Variants in NOX3 observed in about 807,000 individuals in gnomAD.
NOX3 encodes NADPH oxidase 3, also known as NADPH oxidase catalytic subunit-like 3.
A neutral mutation model predicts 76.7 loss-of-function variants in NOX3; 74 were observed. The ratio of observed to expected loss-of-function variants is 0.96; its 90% confidence interval spans 0.80 to 1.17. The LOEUF is 1.17. Among genes scored for constraint, NOX3 ranks in the 50% most tolerant of loss-of-function variants. The probability of loss-of-function intolerance (pLI) is 0.00; values close to 1 mark genes in which losing one functional copy is unlikely to be tolerated. For synonymous variants in NOX3, 263 were observed against 261.1 expected (o/e 1.01, Z -0.07); for missense variants, 695 against 703.3 (o/e 0.99, Z 0.13).
chr6:155,454,132 G>A (rs2114712549), intron 3 of NOX3, among the ~76,000 whole-genome samples: 1 of 152,280 alleles, frequency 6.6e-6, no homozygotes, highest in East Asian at 1.9e-4. Context: ...GTGAGCACAT[G>A]GTATTGGAAA....
intron 10 of NOX3, among the ~76,000 whole-genome samples, chr6:155,419,570 C>A (rs2294682): frequency 0.17 from 26,397 of 152,118 alleles, 2,369 homozygotes; most frequent in South Asian, 0.22. Flanking sequence ...TCCAAATAGT[C>A]CCTCACATTT....
At chr6:155,448,448 G>A (rs375710432) in intron 4 of NOX3, among the ~76,000 whole-genome samples, 11 of 152,138 alleles carry the variant, frequency 7.2e-5, no homozygotes, top group African/African-American at 1.2e-4. Context: ...TTGGAGGACC[G>A]CAAGACACAC....
intron 10 of NOX3, 148 bp downstream of exon 10, chr6:155,422,543 TGGA>T: frequency 4.4e-6 from 3 of 685,714 alleles, no homozygotes; most frequent in Non-Finnish European, 7.4e-6. Context: ...TAATACTGAG[TGGA>T]GATTTTTAAG....
intron 12 of NOX3, among the ~76,000 whole-genome samples, chr6:155,401,692 T>G (rs1562456715): frequency 1.3e-5 from 2 of 152,068 alleles, no homozygotes; most frequent in Non-Finnish European, 2.9e-5. Flanking sequence ...GTTGACACCT[T>G]TCTTCATCGT....
At chr6:155,432,915 T>C (rs2114697410) in intron 7 of NOX3, among the ~76,000 whole-genome samples, 1 of 152,300 alleles carries the variant, frequency 6.6e-6, no homozygotes, top group East Asian at 1.9e-4. Context: ...TCTCTTATGC[T>C]TGAATGAACC....
At chr6:155,433,672 C>A (rs1197709311) in intron 7 of NOX3, among the ~76,000 whole-genome samples, 1 of 152,120 alleles carries the variant, frequency 6.6e-6, no homozygotes, top group Non-Finnish European at 1.5e-5. Context: ...GACAAAATGG[C>A]GGTTATGGAA....
At chr6:155,417,062 T>C (rs1221961024) in intron 10 of NOX3, among the ~76,000 whole-genome samples, 3 of 152,088 alleles carry the variant, frequency 2.0e-5, no homozygotes, top group African/African-American at 4.8e-5. Context: ...GAAACATTAT[T>C]TAATAGCAGA....
intron 5 of NOX3, among the ~76,000 whole-genome samples, chr6:155,442,339 G>C (rs1425828925): frequency 6.6e-6 from 1 of 152,168 alleles, no homozygotes; most frequent in African/African-American, 2.4e-5. Context: ...GCCTGATATT[G>C]AAAATTATCT....
At chr6:155,437,999 A>T (rs1310166374) in intron 6 of NOX3, among the ~76,000 whole-genome samples, 5 of 152,238 alleles carry the variant, frequency 3.3e-5, no homozygotes, top group African/African-American at 1.2e-4. Context: ...ATTTCATCTT[A>T]TGAGATGTTA....
At chr6:155,424,687 A>G (rs1469431414) in intron 9 of NOX3, among the ~76,000 whole-genome samples, 2 of 152,374 alleles carry the variant, frequency 1.3e-5, no homozygotes, top group East Asian at 3.9e-4. Flanking sequence ...ATATATGGAA[A>G]TGGAAGAATA....
chr6:155,452,328 G>C (rs550374475), intron 4 of NOX3, among the ~76,000 whole-genome samples: 4 of 152,094 alleles, frequency 2.6e-5, no homozygotes, highest in African/African-American at 7.2e-5. Flanking sequence ...TGGTGCCTAC[G>C]CATACTCAGC....
chr6:155,434,960 CT>C (rs1443244426), intron 7 of NOX3, among the ~76,000 whole-genome samples: 1 of 152,168 alleles, frequency 6.6e-6, no homozygotes, highest in African/African-American at 2.4e-5. Flanking sequence ...AGAAATGGAG[CT>C]TTGTAGAGAC....
intron 11 of NOX3, among the ~76,000 whole-genome samples, chr6:155,409,557 G>A (rs534607518): frequency 2.0e-4 from 31 of 152,248 alleles, no homozygotes; most frequent in African/African-American, 7.5e-4. Flanking sequence ...AAACTCTGTT[G>A]ATTTACCCTT....
chr6:155,433,157 A>G (rs1776856363), intron 7 of NOX3, among the ~76,000 whole-genome samples: 1 of 152,120 alleles, frequency 6.6e-6, no homozygotes, highest in Admixed American at 6.5e-5. Flanking sequence ...GTAATGGATT[A>G]TTTTTCTTTC....
intron 7 of NOX3, among the ~76,000 whole-genome samples, chr6:155,432,693 C>T (rs1776850545): frequency 6.6e-6 from 1 of 152,178 alleles, no homozygotes; most frequent in African/African-American, 2.4e-5. Context: ...CTCATAAAAG[C>T]TAGACCTATG....
At chr6:155,441,553 G>T (rs1156280637) in intron 5 of NOX3, among the ~76,000 whole-genome samples, 1 of 152,106 alleles carries the variant, frequency 6.6e-6, no homozygotes, top group Non-Finnish European at 1.5e-5. Context: ...CTCTAAAAAT[G>T]CTCTATAATG....
chr6:155,430,896 A>G lies in NOX3; in HGVS notation c.838T>C (p.Cys280Arg), dbSNP rs755591472. ...CGCCAGAACCTAATTATTCTTTCAC[A>G]TGCATACAAGACCACAGGGCCTAAA... ...WILGPVVLYACERIIRFWRFQ... is the reference protein window; with the variant it reads ...WILGPVVLYARERIIRFWRFQ... The change falls in exon 8 of 14, where the codon TGT becomes CGT. Residue 280 changes from cysteine to arginine, a missense_variant. Physicochemically the swap from Cys to Arg is radical, Grantham distance 180. Coordinates refer to ENST00000159060, the MANE Select transcript of NOX3 (RefSeq NM_015718.3). 2.5e-6 allele frequency: 4 copies of G among 1,613,594 alleles called. No homozygotes were observed. In the Admixed American group the frequency reaches 6.7e-5, roughly 27 times the overall value.
intron 5 of NOX3, among the ~76,000 whole-genome samples, chr6:155,441,553 G>A (rs1156280637): frequency 6.6e-6 from 1 of 152,106 alleles, no homozygotes; most frequent in Non-Finnish European, 1.5e-5. Flanking sequence ...CTCTAAAAAT[G>A]CTCTATAATG....
chr6:155,404,873 G>C (rs887638918), intron 12 of NOX3, among the ~76,000 whole-genome samples: 5 of 151,974 alleles, frequency 3.3e-5, no homozygotes, highest in Non-Finnish European at 7.4e-5. Context: ...TATGAATCTT[G>C]GACAGCTACC....
Sources: allele counts gnomAD v4.1 joint callset (sites outside exome capture counted in the v4.1 genomes callset), GRCh38; gene constraint gnomAD v4.1.1; transcripts MANE v1.5; gene names NCBI Gene and HGNC (gene_info 2026-07-23, HGNC 2026-07-21).